Variants in SLC25A48 observed in about 807,000 individuals in gnomAD.
SLC25A48 encodes the protein CTC-321K16.1.
A neutral mutation model predicts 32.2 loss-of-function variants in SLC25A48; 29 were observed. The observed-to-expected ratio is 0.90, with a 90% CI of 0.67 to 1.23. The LOEUF (loss-of-function observed/expected upper bound fraction) is 1.23, where lower values mean the gene tolerates loss of function less well. SLC25A48 is among the 50% of genes most tolerant of loss of function. SLC25A48 has a pLI of 0.00. For missense variants in SLC25A48, 399 were observed against 422.7 expected, an observed-to-expected ratio of 0.94 and a Z score of 0.49; for synonymous variants, 164 against 172.3, an observed-to-expected ratio of 0.95 and a Z score of 0.38.
At chr5:135,795,536 G>C (rs374419364) in intron 3 of SLC25A48, among the ~76,000 whole-genome samples, 1 of 151,618 alleles carries the variant, frequency 6.6e-6, no homozygotes, top group South Asian at 2.1e-4. Flanking sequence ...TTGATATTAC[G>C]CTCAATATTG....
At chr5:135,586,105 A>G (rs1751360180) in intron 1 of SLC25A48, among the ~76,000 whole-genome samples, 1 of 152,226 alleles carries the variant, frequency 6.6e-6, no homozygotes, top group African/African-American at 2.4e-5. Context: ...AAGGTTAAGT[A>G]TGTTGCCCAA....
intron 1 of SLC25A48, among the ~76,000 whole-genome samples, chr5:135,602,829 G>A (rs1042245820): frequency 6.6e-6 from 1 of 151,952 alleles, no homozygotes; most frequent in African/African-American, 2.4e-5. Flanking sequence ...CGTTCTCATT[G>A]TTCAATTCCC....
In SLC25A48 at chr5:135,656,534, C is replaced by T. The variant is rs371466971; in HGVS notation, c.-521+21578C>T. ...TCTTCTCCGTGTTCTGGGGACTGTC[C>T]CCCTCTCTGTTATGGGTGGTATTGT... On this transcript the variant is annotated intron_variant, in intron 3 of 10. Transcript: ENST00000646290. 8.5e-5 allele frequency among the ~76,000 whole-genome samples: 13 copies of T among 152,212 alleles called. 1 individual carries two copies. The East Asian group carries it at 2.5e-3, about 29-fold the overall frequency.
intron 3 of SLC25A48, among the ~76,000 whole-genome samples, chr5:135,798,002 C>T (rs1757230103): frequency 6.6e-6 from 1 of 151,656 alleles, no homozygotes; most frequent in Non-Finnish European, 1.5e-5. Context: ...ATATTACACC[C>T]AATATTACAG....
chr5:135,661,213 C>T (rs1442983419), intron 3 of SLC25A48, among the ~76,000 whole-genome samples: 1 of 152,242 alleles, frequency 6.6e-6, no homozygotes, highest in Non-Finnish European at 1.5e-5. Flanking sequence ...GCAGCTCCTG[C>T]AGCTGCCTCT....
chr5:135,765,482 T>C (rs1317153553), intron 3 of SLC25A48, among the ~76,000 whole-genome samples: 2 of 151,608 alleles, frequency 1.3e-5, no homozygotes, highest in Non-Finnish European at 2.9e-5. Context: ...TGTGAAATTG[T>C]TGGTAATATC....
rs116281307 is a variant in SLC25A48, at chr5:135,769,408, C to T, written c.-520-43115C>T. On this transcript the variant is annotated intron_variant, in intron 3 of 10. Coordinates refer to the SLC25A48 transcript ENST00000646290. ...GAACACCACTCAGTGATTTTGTTTG[C>T]AATATCCAGTGGGGGAGAGAATGAT... Among the ~76,000 whole-genome samples the T allele has an allele frequency of 6.9e-3, 1,043 of 150,380 alleles. 10 individuals carry two copies. Among genetic ancestry groups the T allele is most frequent in the African/African-American group, 0.024 (977 of 40,930 alleles).
chr5:135,864,458 G>T (rs1761040053), intron 4 of SLC25A48, among the ~76,000 whole-genome samples: 1 of 152,206 alleles, frequency 6.6e-6, no homozygotes, highest in Admixed American at 6.5e-5. Context: ...AACCCTTAAA[G>T]ATGAAACCTT....
intron 4 of SLC25A48, among the ~76,000 whole-genome samples, chr5:135,869,192 A>G (rs958331233): frequency 6.6e-6 from 1 of 152,334 alleles, no homozygotes; most frequent in East Asian, 1.9e-4. Flanking sequence ...TTTTCAAAAA[A>G]AAATATTGTG....
chr5:135,862,508 A>G (rs913532639), intron 4 of SLC25A48, among the ~76,000 whole-genome samples: 2 of 152,218 alleles, frequency 1.3e-5, no homozygotes, highest in African/African-American at 4.8e-5. Flanking sequence ...AGGCAGACAC[A>G]GTGGGTAAAG....
chr5:135,613,531 G>A (rs914897638), intron 1 of SLC25A48, among the ~76,000 whole-genome samples: 1 of 152,056 alleles, frequency 6.6e-6, no homozygotes, highest in Non-Finnish European at 1.5e-5. Flanking sequence ...TTTTCCCTAT[G>A]TTTTCTTCCA....
At chr5:135,628,697 G>T (rs199982528) in intron 1 of SLC25A48, among the ~76,000 whole-genome samples, 4 of 152,042 alleles carry the variant, frequency 2.6e-5, no homozygotes, top group African/African-American at 9.7e-5. Context: ...GGATGGAAAC[G>T]CCTTCACCAC....
rs749681069 is a variant in SLC25A48, at chr5:135,749,316, CCTT to C, written c.-520-63204_-520-63202del. Among the ~76,000 whole-genome samples the C allele has an allele frequency of 2.8e-4, 42 of 151,876 alleles. No homozygotes were observed. In the Middle Eastern group the frequency reaches 0.01, roughly 37 times the overall value. ...AAAAACCCCAAGAAAATGAAGTAAA[CCTT>C]CTCTCAACCTTGCTCCAGGTTTCTC... On this transcript the variant is annotated intron_variant, in intron 3 of 10. Transcript: ENST00000646290.
intron 1 of SLC25A48, among the ~76,000 whole-genome samples, chr5:135,608,381 C>G (rs890204070): frequency 6.6e-6 from 1 of 152,194 alleles, no homozygotes; most frequent in African/African-American, 2.4e-5. Flanking sequence ...GGACCAGCAC[C>G]AGCCTGAGAT....
intron 3 of SLC25A48, among the ~76,000 whole-genome samples, chr5:135,700,935 A>G (rs1191603154): frequency 6.6e-6 from 1 of 152,212 alleles, no homozygotes; most frequent in East Asian, 1.9e-4. Context: ...CATAAATCGC[A>G]GAGGGCCTGG....
In SLC25A48 at chr5:135,871,074, C is replaced by G. The variant is rs937457498; in HGVS notation, c.422-387C>G. Among the ~76,000 whole-genome samples, 19 of 92,546 alleles carry G rather than the reference C, an allele frequency of 2.1e-4. 1 individual carries two copies. In the Middle Eastern group the frequency reaches 0.016, roughly 77 times the overall value. The allele number at this position is 92,546 out of a possible 152,430, so 60.7% of individuals were successfully genotyped here. ...ATGTGTACACAGACACACACACACACACACACACACACACACACACACACA... is the reference window on the plus strand; with the variant it reads ...ATGTGTACACAGACACACACACACAGACACACACACACACACACACACACA... On this transcript the variant is annotated intron_variant, in intron 4 of 7. Coordinates refer to ENST00000681962, the MANE Select transcript of SLC25A48 (RefSeq NM_001349336.2).
chr5:135,597,368 C>A (rs1417234674), intron 1 of SLC25A48, among the ~76,000 whole-genome samples: 2 of 152,182 alleles, frequency 1.3e-5, no homozygotes, highest in Non-Finnish European at 2.9e-5. Context: ...ATTCAGAAGT[C>A]ACCCTCCAGG....
At chr5:135,812,234 G>A (rs904728673) in intron 3 of SLC25A48, among the ~76,000 whole-genome samples, 1 of 152,088 alleles carries the variant, frequency 6.6e-6, no homozygotes, top group Non-Finnish European at 1.5e-5. Context: ...TTTGATACAG[G>A]CATGCAATTT....
intron 4 of SLC25A48, among the ~76,000 whole-genome samples, chr5:135,828,683 T>C (rs1758127979): frequency 6.6e-6 from 1 of 152,232 alleles, no homozygotes; most frequent in African/African-American, 2.4e-5. Context: ...GCCCCAGAGA[T>C]GGGCCTTTCA....
Sources: allele counts gnomAD v4.1 joint callset (sites outside exome capture counted in the v4.1 genomes callset), GRCh38; gene constraint gnomAD v4.1.1; transcripts MANE v1.5; gene names NCBI Gene and HGNC (gene_info 2026-07-23, HGNC 2026-07-21).